The following PARD3B variants were observed in gnomAD, a reference collection of about 807,000 sequenced individuals.
PARD3B encodes the protein par-3 family cell polarity regulator beta, also known as partitioning defective 3 homolog B.
Under a neutral mutation model 130.2 loss-of-function variants are expected in PARD3B, and 103 were observed. The observed-to-expected ratio is 0.79, with a 90% confidence interval of 0.67 to 0.93. The LOEUF is 0.93. Ranked by LOEUF, PARD3B falls within the 40% of genes least tolerant of loss-of-function variation. PARD3B has a pLI of 0.00. For missense variants in PARD3B, 1,609 were observed against 1,499.2 expected (o/e 1.07, Z -1.21); for synonymous variants, 583 against 553.2 (o/e 1.05, Z -0.76).
At chr2:204,786,198 G>T (rs1010316318) in intron 2 of PARD3B, among the ~76,000 whole-genome samples, 1 of 151,964 alleles carries the variant, frequency 6.6e-6, no homozygotes, top group African/African-American at 2.4e-5. Context: ...ATCATATGAG[G>T]ACGAGGTTAT....
intron 1 of PARD3B, among the ~76,000 whole-genome samples, chr2:204,658,347 A>G (rs1331169019): frequency 6.6e-6 from 1 of 152,196 alleles, no homozygotes; most frequent in Admixed American, 6.6e-5. Context: ...TCTTATAGAT[A>G]TAAACTTTTC....
At position 204,893,415 on chromosome 2, in the gene PARD3B, T is replaced by C. The variant is rs573083492; in HGVS notation, c.223-71737T>C. On this transcript the variant is annotated intron_variant, in intron 2 of 22. Transcript: ENST00000406610. Reference sequence around the variant, plus strand: ...AATATAGAGTCAGATGAGGGATTTTTATGAGATGACCACAAGTATAACTAA... The same window carrying C: ...AATATAGAGTCAGATGAGGGATTTTCATGAGATGACCACAAGTATAACTAA... Among the ~76,000 whole-genome samples the C allele has an allele frequency of 1.2e-4, 18 of 152,296 alleles. 1 individual carries two copies. In the South Asian group the frequency reaches 3.3e-3, roughly 28 times the overall value.
intron 2 of PARD3B, among the ~76,000 whole-genome samples, chr2:204,837,673 C>G (rs1381965935): frequency 6.6e-6 from 1 of 152,090 alleles, no homozygotes; most frequent in Non-Finnish European, 1.5e-5. Flanking sequence ...TGTAAAGAGA[C>G]CCTGCTGATG....
At chr2:204,720,414 A>G (rs954209636) in intron 2 of PARD3B, among the ~76,000 whole-genome samples, 5 of 152,232 alleles carry the variant, frequency 3.3e-5, no homozygotes, top group Admixed American at 3.3e-4. Context: ...GTGATAAAAT[A>G]GACCCAACTT....
chr2:205,163,769 A>G (rs947763441), intron 11 of PARD3B, among the ~76,000 whole-genome samples: 5 of 152,218 alleles, frequency 3.3e-5, no homozygotes, highest in African/African-American at 7.2e-5. Flanking sequence ...GCCGGTATCT[A>G]TAAATCATGT....
rs763101907 is a variant in PARD3B at position 204,967,481 on chromosome 2, G to C, written c.394+2158G>C. ...ATGTAATATAACTCCCCTGCTTAACGACCTTCACTGGCTTCCCATCACCCT... is the reference window on the plus strand; with the variant it reads ...ATGTAATATAACTCCCCTGCTTAACCACCTTCACTGGCTTCCCATCACCCT... On this transcript the variant is annotated intron_variant, in intron 3 of 22. Transcript: ENST00000406610. The surrounding 1 kb of genome is among the most constrained non-coding windows in gnomAD (Gnocchi z 4.4). Among the ~76,000 whole-genome samples, 1 of 152,042 alleles carries C rather than the reference G, an allele frequency of 6.6e-6. No homozygotes were observed. The highest frequency in any genetic ancestry group is 1.5e-5 in the Non-Finnish European group (1 of 68,010).
chr2:205,337,199 G>T lies in PARD3B; in HGVS notation c.2630+35498G>T, dbSNP rs900469992. 7.9e-5 allele frequency among the ~76,000 whole-genome samples: 12 copies of T among 152,200 alleles called. 1 individual carries two copies. The highest frequency in any genetic ancestry group is 2.9e-4 in the African/African-American group (12 of 41,442). Reference sequence around the variant, plus strand: ...ACCAGCAACACCTTTCAGCAACACAGTTTGGTGAAGACATGCCTAGTTGAA... The same window carrying T: ...ACCAGCAACACCTTTCAGCAACACATTTTGGTGAAGACATGCCTAGTTGAA... On this transcript the variant is annotated intron_variant, in intron 18 of 22. Coordinates refer to ENST00000406610, the MANE Select transcript of PARD3B (RefSeq NM_001302769.2).
At chr2:205,451,141 C>T (rs954223731) in intron 20 of PARD3B, among the ~76,000 whole-genome samples, 4 of 152,202 alleles carry the variant, frequency 2.6e-5, no homozygotes, top group African/African-American at 9.7e-5. Flanking sequence ...CCTCTCTTGC[C>T]TTTCCCAGTG....
At chr2:205,030,825 G>T (rs1398764840) in intron 3 of PARD3B, among the ~76,000 whole-genome samples, 1 of 152,126 alleles carries the variant, frequency 6.6e-6, no homozygotes. Context: ...ATGGCCCTTT[G>T]TAATGTGACC....
chr2:204,547,575 T>C (rs2125038400), intron 1 of PARD3B, among the ~76,000 whole-genome samples: 1 of 152,360 alleles, frequency 6.6e-6, no homozygotes, highest in Non-Finnish European at 1.5e-5. Flanking sequence ...TAACCAATTG[T>C]CTATTAAATC....
intron 16 of PARD3B, among the ~76,000 whole-genome samples, chr2:205,289,015 T>C (rs1043584520): frequency 3.3e-5 from 5 of 152,168 alleles, no homozygotes; most frequent in African/African-American, 1.2e-4. Context: ...GTGTCATGGG[T>C]TAGTCTGATG....
intron 2 of PARD3B, among the ~76,000 whole-genome samples, chr2:204,909,848 T>C (rs1575278205): frequency 6.6e-6 from 1 of 152,200 alleles, no homozygotes; most frequent in African/African-American, 2.4e-5. Context: ...AATACAATAT[T>C]TCCTTTATTG....
At chr2:205,205,797 A>C (rs537130075) in intron 15 of PARD3B, among the ~76,000 whole-genome samples, 445 of 152,232 alleles carry the variant, frequency 2.9e-3, no homozygotes, top group Non-Finnish European at 5.4e-3. Context: ...GGATGAAGCC[A>C]ACTTGATCAT....
At chr2:205,514,543 C>CACATAGTTTGCTTTTCTTGTTTATATCT (rs1491053104) in intron 21 of PARD3B, among the ~76,000 whole-genome samples, 33 of 151,620 alleles carry the variant, frequency 2.2e-4, no homozygotes, top group Non-Finnish European at 4.6e-4. Context: ...TAATGAATGG[C>CACATAGTTTGCTTTTCTTGTTTATATCT]ACATAGTTTG....
rs190085710 is a variant in PARD3B at position 204,623,944 on chromosome 2, T to C, written c.121-62237T>C. Among the ~76,000 whole-genome samples, 12 of 152,296 alleles carry C rather than the reference T, an allele frequency of 7.9e-5. No individual in the cohort carries two copies. The highest frequency in any genetic ancestry group is 2.9e-4 in the African/African-American group (12 of 41,586). ...AACTGGCTTATTTTGCATACCATAA[T>C]GTCTACAGTTCTGTCCATGTCATTG... is the stretch of plus-strand genomic sequence containing the variant. On this transcript the variant is annotated intron_variant, in intron 1 of 22. Coordinates refer to ENST00000406610, the MANE Select transcript of PARD3B (RefSeq NM_001302769.2). The surrounding 1 kb of genome is among the most constrained non-coding windows in gnomAD (Gnocchi z 4.5).
At chr2:204,865,379 A>G (rs993307406) in intron 2 of PARD3B, among the ~76,000 whole-genome samples, 1 of 152,252 alleles carries the variant, frequency 6.6e-6, no homozygotes, top group East Asian at 1.9e-4. Flanking sequence ...AATGACTTCC[A>G]TATGCAAATG....
In PARD3B at chr2:204,563,217, G is replaced by GTCTCTCTCTCTCTC. The variant is rs35536964; in HGVS notation, c.120+17134_120+17147dup. Among the ~76,000 whole-genome samples, 362 of 86,594 alleles carry GTCTCTCTCTCTCTC rather than the reference G, an allele frequency of 4.2e-3. 33 individuals are homozygous for GTCTCTCTCTCTCTC. Among genetic ancestry groups the GTCTCTCTCTCTCTC allele is most frequent in the East Asian group, 7.5e-3 (20 of 2,654 alleles). 56.8% of individuals were successfully genotyped at this position (86,594 alleles called of 152,430 possible). Reference sequence around the variant, plus strand: ...CGTTTTTACATGCCGTCTTCCCGCTGTCTCTCTCTCTCTCTCTCTCTCTCT... The same window carrying GTCTCTCTCTCTCTC: ...CGTTTTTACATGCCGTCTTCCCGCTGTCTCTCTCTCTCTCTCTCTCTCTCTCTCTCTCTCTCTCT... On this transcript the variant is annotated intron_variant, in intron 1 of 22. Coordinates refer to ENST00000406610, the MANE Select transcript of PARD3B (RefSeq NM_001302769.2).
chr2:205,042,023 G>A lies in PARD3B; in HGVS notation c.395-5558G>A, dbSNP rs141994873. ...AGGGAGAGTGTGATTATAACAAAGA[G>A]ACAGAAACTTATAGAGGTAGCACCT... is the stretch of plus-strand genomic sequence containing the variant. On this transcript the variant is annotated intron_variant, in intron 3 of 22. Coordinates refer to ENST00000406610, the MANE Select transcript of PARD3B (RefSeq NM_001302769.2). Among the ~76,000 whole-genome samples the A allele has an allele frequency of 3.4e-3, 518 of 152,218 alleles. 1 individual carries two copies. Among genetic ancestry groups the A allele is most frequent in the Non-Finnish European group, 6.0e-3 (408 of 68,020 alleles).
intron 2 of PARD3B, among the ~76,000 whole-genome samples, chr2:204,749,469 G>A (rs996615150): frequency 2.0e-5 from 3 of 152,096 alleles, no homozygotes; most frequent in African/African-American, 7.2e-5. Flanking sequence ...ATATGAGTAG[G>A]AAAATAGATG....
Sources: allele counts gnomAD v4.1 joint callset (sites outside exome capture counted in the v4.1 genomes callset), GRCh38; gene constraint gnomAD v4.1.1; non-coding constraint Gnocchi (gnomAD v3.1); transcripts MANE v1.5; gene names NCBI Gene and HGNC (gene_info 2026-07-23, HGNC 2026-07-21).